Variants in PTPRD observed in about 807,000 individuals in gnomAD.
PTPRD encodes the protein protein tyrosine phosphatase receptor type D.
In PTPRD, 34 loss-of-function variants were observed where a neutral mutation model predicts 214.5. The ratio of observed to expected loss-of-function variants is 0.16; its 90% CI spans 0.12 to 0.21. PTPRD has a LOEUF of 0.21. Ranked by LOEUF, PTPRD falls within the 10% of genes least tolerant of loss-of-function variation. The pLI, the probability that PTPRD is intolerant of heterozygous loss-of-function variation, is 1.00. For missense variants in PTPRD, 2,545 were observed against 2,398.7 expected (o/e 1.06, Z -1.27); for synonymous variants, 1,128 against 845.7 (o/e 1.33, Z -5.79).
At position 9,824,313 on chromosome 9, in the gene PTPRD, G is replaced by A. The variant is rs969990804; in HGVS notation, c.-367-57462C>T. ...TATTTCTACTTTCTTCATTACTTATGACTGAAATTTATTTTATATTAAACT... is the reference window on the plus strand; with the variant it reads ...TATTTCTACTTTCTTCATTACTTATAACTGAAATTTATTTTATATTAAACT... On this transcript the variant is annotated intron_variant, in intron 5 of 45. Transcript: ENST00000381196. Among the ~76,000 whole-genome samples the A allele has an allele frequency of 3.3e-5, 5 of 151,844 alleles. No homozygotes were observed. In the South Asian group the frequency reaches 8.3e-4, roughly 25 times the overall value.
intron 3 of PTPRD, among the ~76,000 whole-genome samples, chr9:10,099,830 TA>T (rs1332621395): frequency 4.0e-5 from 6 of 151,198 alleles, no homozygotes; most frequent in African/African-American, 1.5e-4. Flanking sequence ...ATTAGAAATT[TA>T]AAAAAAAGAT....
intron 3 of PTPRD, among the ~76,000 whole-genome samples, chr9:10,253,082 C>T (rs1048398745): frequency 6.6e-6 from 1 of 152,032 alleles, no homozygotes; most frequent in African/African-American, 2.4e-5. Flanking sequence ...TGTGCCTGGC[C>T]ACGTATTTTA....
At chr9:9,760,645 CACACACACATATAT>C (rs1377610089) in intron 6 of PTPRD, among the ~76,000 whole-genome samples, 29 of 116,870 alleles carry the variant, frequency 2.5e-4, no homozygotes, top group African/African-American at 1.1e-3. Flanking sequence ...CACACACACA[CACACACACATATAT>C]ATATATATTC....
chr9:10,109,668 G>A (rs1461413913), intron 3 of PTPRD, among the ~76,000 whole-genome samples: 2 of 152,112 alleles, frequency 1.3e-5, no homozygotes, highest in Non-Finnish European at 2.9e-5. Context: ...TGTGTTCACT[G>A]CTGTTATTGG....
chr9:9,995,445 A>G (rs957334785), intron 4 of PTPRD, among the ~76,000 whole-genome samples: 16 of 152,310 alleles, frequency 1.1e-4, no homozygotes, highest in African/African-American at 3.1e-4. Context: ...AAAATGGTCT[A>G]AGAGATAAAA....
intron 11 of PTPRD, among the ~76,000 whole-genome samples, chr9:8,869,792 T>G (rs2098263730): frequency 6.6e-6 from 1 of 151,884 alleles, no homozygotes; most frequent in African/African-American, 2.4e-5. Context: ...GCTATGTAAT[T>G]CTGCTCTGCA....
chr9:9,462,038 A>G (rs762688768), intron 8 of PTPRD, among the ~76,000 whole-genome samples: 1 of 152,010 alleles, frequency 6.6e-6, no homozygotes, highest in Admixed American at 6.6e-5. Flanking sequence ...TTGCTTCTCT[A>G]TTTTTGTCTT....
In PTPRD at chr9:8,929,841, ATG is replaced by A. The variant is rs756484959; in HGVS notation, c.-104+88854_-104+88855del. ...TATGTGTATATATATGTGTATATAT[ATG>A]TGTGTATATATATGTGTATATACAT... On this transcript the variant is annotated intron_variant, in intron 11 of 45. Coordinates refer to ENST00000381196, the MANE Select transcript of PTPRD (RefSeq NM_002839.4). Among the ~76,000 whole-genome samples, 20 of 22,902 alleles carry A rather than the reference ATG, an allele frequency of 8.7e-4. 4 individuals are homozygous for A. Among genetic ancestry groups the A allele is most frequent in the East Asian group, 0.011 (1 of 88 alleles). The allele number at this position is 22,902 out of a possible 152,430, so 15.0% of individuals were successfully genotyped here.
At chr9:9,404,400 C>A (rs1188773177) in intron 8 of PTPRD, among the ~76,000 whole-genome samples, 1 of 151,826 alleles carries the variant, frequency 6.6e-6, no homozygotes, top group Admixed American at 6.6e-5. Flanking sequence ...TGGTATAGAT[C>A]TGGAATATAT....
intron 14 of PTPRD, among the ~76,000 whole-genome samples, chr9:8,550,744 C>A (rs2081828891): frequency 6.6e-6 from 1 of 152,178 alleles, no homozygotes; most frequent in Non-Finnish European, 1.5e-5. Context: ...TTAATAGATC[C>A]ATTGGCCCTA....
At chr9:9,843,777 T>A (rs866877643) in intron 5 of PTPRD, among the ~76,000 whole-genome samples, 1 of 152,016 alleles carries the variant, frequency 6.6e-6, no homozygotes, top group African/African-American at 2.4e-5. Context: ...TTAAATAATA[T>A]TAAAATGAAA....
intron 9 of PTPRD, among the ~76,000 whole-genome samples, chr9:9,247,387 T>C (rs2099973537): frequency 6.6e-6 from 1 of 152,048 alleles, no homozygotes; most frequent in Admixed American, 6.6e-5. Context: ...AGTTTCTTCT[T>C]GTGTCTTTTA....
chr9:8,661,362 C>T (rs926799252), intron 12 of PTPRD, among the ~76,000 whole-genome samples: 2 of 151,658 alleles, frequency 1.3e-5, no homozygotes, highest in Non-Finnish European at 2.9e-5. Flanking sequence ...TTTCTCATTA[C>T]CAATTATAGC....
chr9:8,879,148 A>G (rs546896203), intron 11 of PTPRD, among the ~76,000 whole-genome samples: 100 of 152,288 alleles, frequency 6.6e-4, no homozygotes, highest in African/African-American at 2.3e-3. Context: ...CCAAGTATCT[A>G]TAGGCGTATG....
chr9:9,200,341 T>C (rs1011280956), intron 9 of PTPRD, among the ~76,000 whole-genome samples: 4 of 152,244 alleles, frequency 2.6e-5, no homozygotes, highest in Admixed American at 1.3e-4. Context: ...TGATCTGTTT[T>C]ATTTCTAACA....
intron 11 of PTPRD, among the ~76,000 whole-genome samples, chr9:8,742,339 C>T (rs1338501826): frequency 2.6e-5 from 4 of 152,038 alleles, no homozygotes; most frequent in African/African-American, 7.2e-5. Context: ...ATATGCATTA[C>T]CTCATATAGT....
chr9:9,421,439 T>C (rs1289777175), intron 8 of PTPRD, among the ~76,000 whole-genome samples: 1 of 152,086 alleles, frequency 6.6e-6, no homozygotes, highest in Admixed American at 6.6e-5. Flanking sequence ...CCATAAAATA[T>C]TTCTGAAAAC....
intron 8 of PTPRD, among the ~76,000 whole-genome samples, chr9:9,487,125 A>T (rs1283416671): frequency 6.6e-6 from 1 of 152,134 alleles, no homozygotes; most frequent in Non-Finnish European, 1.5e-5. Context: ...TTGGTTACAT[A>T]TGTATACATG....
At chr9:9,310,149 C>A (rs1958477625) in intron 9 of PTPRD, among the ~76,000 whole-genome samples, 1 of 152,114 alleles carries the variant, frequency 6.6e-6, no homozygotes, top group Non-Finnish European at 1.5e-5. Flanking sequence ...AGCAAGGTCA[C>A]ATAGGTCGTT....
Sources: gnomAD v4.1 joint callset for allele counts (sites outside exome capture counted in the v4.1 genomes callset) on GRCh38, gnomAD v4.1.1 for gene constraint, MANE v1.5 for transcripts, NCBI Gene and HGNC (gene_info 2026-07-23, HGNC 2026-07-21) for gene names.